THAP4: variants seen among roughly 807,000 people sequenced by gnomAD.
The protein encoded by THAP4 is THAP domain containing 4.
Under a neutral mutation model 48.1 loss-of-function variants are expected in THAP4, and 18 were observed. The observed-to-expected ratio is 0.37, with a 90% CI of 0.26 to 0.56. The LOEUF is 0.56. Among genes scored for constraint, THAP4 ranks in the 20% least tolerant of loss-of-function variants. The pLI is 0.78. For missense variants in THAP4, 656 were observed against 774.9 expected (o/e 0.85, Z 1.82); for synonymous variants, 345 against 324.9 (o/e 1.06, Z -0.66).
chr2:241,586,852 G>T (rs1215713556), intron 5 of THAP4, among the ~76,000 whole-genome samples: 1 of 152,180 alleles, frequency 6.6e-6, no homozygotes, highest in East Asian at 1.9e-4. Context: ...GGGACACATT[G>T]AAAATTGCAA....
chr2:241,615,900 C>T (rs1274892988), intron 2 of THAP4, among the ~76,000 whole-genome samples: 2 of 152,222 alleles, frequency 1.3e-5, no homozygotes, highest in Non-Finnish European at 2.9e-5. Context: ...GAGTAGGTTT[C>T]GCGTTCCTCA....
At chr2:241,618,631 T>G (rs2067375800) in intron 2 of THAP4, among the ~76,000 whole-genome samples, 1 of 152,190 alleles carries the variant, frequency 6.6e-6, no homozygotes, top group African/African-American at 2.4e-5. Flanking sequence ...ATGTCTCTCC[T>G]GCCACAGAGA....
At chr2:241,622,734 G>C (rs2067446915) in intron 2 of THAP4, among the ~76,000 whole-genome samples, 1 of 151,954 alleles carries the variant, frequency 6.6e-6, no homozygotes, top group African/African-American at 2.4e-5. Context: ...TGTGAAGCTG[G>C]GACTACAGGT....
At chr2:241,635,406 C>T (rs2067622925) in intron 1 of THAP4, among the ~76,000 whole-genome samples, 1 of 152,208 alleles carries the variant, frequency 6.6e-6, no homozygotes, top group Non-Finnish European at 1.5e-5. Context: ...TTCTTTATTA[C>T]CTAATAAAGA....
chr2:241,600,609 T>C (rs1042384911), intron 5 of THAP4, among the ~76,000 whole-genome samples: 3 of 150,660 alleles, frequency 2.0e-5, no homozygotes, highest in African/African-American at 7.3e-5. Context: ...GCACCTGTAG[T>C]CCCAGCTACT....
At chr2:241,628,449 C>G (rs2067519391) in intron 2 of THAP4, among the ~76,000 whole-genome samples, 1 of 152,076 alleles carries the variant, frequency 6.6e-6, no homozygotes, top group Admixed American at 6.5e-5. Flanking sequence ...TCTCCTGCTC[C>G]TCCCCAAAAG....
intron 4 of THAP4, among the ~76,000 whole-genome samples, chr2:241,602,660 C>T (rs1038026086): frequency 2.0e-5 from 3 of 152,164 alleles, no homozygotes; most frequent in Admixed American, 2.0e-4. Context: ...GCCACTGTGC[C>T]CAACCTGTTT....
chr2:241,585,436 T>C (rs2125063657), intron 5 of THAP4, among the ~76,000 whole-genome samples: 1 of 151,708 alleles, frequency 6.6e-6, no homozygotes, highest in South Asian at 2.1e-4. Context: ...TGAAACGGAG[T>C]TCTGCTTATG....
At chr2:241,632,031 C>T (rs1198227485) in intron 2 of THAP4, among the ~76,000 whole-genome samples, 1 of 152,036 alleles carries the variant, frequency 6.6e-6, no homozygotes, top group African/African-American at 2.4e-5. Context: ...CCTCAGCCTC[C>T]TGAGTAGCTG....
chr2:241,605,477 T>C (rs2067170209), intron 3 of THAP4, among the ~76,000 whole-genome samples: 1 of 152,186 alleles, frequency 6.6e-6, no homozygotes, highest in South Asian at 2.1e-4. Context: ...CCATCCCTGG[T>C]GGCTCTCCTC....
At chr2:241,618,238 A>T (rs1026640188) in intron 2 of THAP4, among the ~76,000 whole-genome samples, 1 of 152,242 alleles carries the variant, frequency 6.6e-6, no homozygotes, top group African/African-American at 2.4e-5. Flanking sequence ...AAACGGAAGG[A>T]GTTGCATGCC....
In THAP4 at chr2:241,595,314, C is replaced by T. The variant is rs149820022; in HGVS notation, c.1614+6582G>A. 5.3e-3 allele frequency among the ~76,000 whole-genome samples: 802 copies of T among 152,254 alleles called. 4 individuals carry two copies. Among genetic ancestry groups the T allele is most frequent in the Non-Finnish European group, 8.3e-3 (566 of 68,012 alleles). On this transcript the variant is annotated intron_variant, in intron 5 of 5. Transcript: ENST00000407315. The stretch of plus-strand genomic sequence containing the variant: ...ACAGGCGTGAGCCACCGCACTCAGC[C>T]CTGCATTATATCTTTAAAGAGCTGT...
In THAP4 at chr2:241,633,896, CAG is replaced by C. The variant is rs2067604640; in HGVS notation, c.259_260del (p.Leu87AspfsTer65). 1 of 1,613,832 alleles carries C rather than the reference CAG, an allele frequency of 6.2e-7. No homozygotes were observed. The highest frequency in any genetic ancestry group is 1.3e-5 in the African/African-American group (1 of 74,898). On this transcript the variant is annotated frameshift_variant, in exon 2 of 6. Coordinates refer to ENST00000407315, the MANE Select transcript of THAP4 (RefSeq NM_015963.6). LOFTEE classifies it high-confidence loss of function. The surrounding 1 kb of genome is among the most constrained non-coding windows in gnomAD (Gnocchi z 7.5). Reference sequence around the variant, plus strand: ...CTCCAGCCCCCCTCTTCTTCTCGGTCAGGTGGAAGATGGATGGCACGGCCGTG... The same window carrying C: ...CTCCAGCCCCCCTCTTCTTCTCGGTCGTGGAAGATGGATGGCACGGCCGTG... ...KPTAVPSIFH[L>X]TEKKRGAGGH...
In THAP4 at chr2:241,616,992, G is replaced by A. The variant is rs112481668; in HGVS notation, c.1241-10519C>T. 1.1e-4 allele frequency among the ~76,000 whole-genome samples: 16 copies of A among 152,172 alleles called. No individual in the cohort carries two copies. Among genetic ancestry groups the A allele is most frequent in the Non-Finnish European group, 2.1e-4 (14 of 68,036 alleles). ...CCTGCACCCTCCACCACTTCGGGCCGCGTGGAACGTGGCAGCAGCCTAGCC... is the reference window on the plus strand; with the variant it reads ...CCTGCACCCTCCACCACTTCGGGCCACGTGGAACGTGGCAGCAGCCTAGCC... On this transcript the variant is annotated intron_variant, in intron 2 of 5. Coordinates refer to ENST00000407315, the MANE Select transcript of THAP4 (RefSeq NM_015963.6). The surrounding 1 kb of genome is among the most constrained non-coding windows in gnomAD (Gnocchi z 4.6).
chr2:241,603,126 A>T, intron 3 of THAP4, 47 bp from the exon 4 acceptor site: 1 of 1,507,952 alleles, frequency 6.6e-7, no homozygotes. Flanking sequence ...GGCCTCCAAG[A>T]TGGCGTGGGC....
chr2:241,631,639 A>T (rs1194983513), intron 2 of THAP4, among the ~76,000 whole-genome samples: 1 of 151,756 alleles, frequency 6.6e-6, no homozygotes, highest in Non-Finnish European at 1.5e-5. Flanking sequence ...CTAATTTTTA[A>T]ATTATTTATA....
chr2:241,616,548 C>T lies in THAP4; in HGVS notation c.1241-10075G>A, dbSNP rs1290790618. ...GGTCAGGGAAGCAAGTCCCGCGGGCCCTGGAGAGAAGCTACCCTGCAGGCG... is the reference window on the plus strand; with the variant it reads ...GGTCAGGGAAGCAAGTCCCGCGGGCTCTGGAGAGAAGCTACCCTGCAGGCG... On this transcript the variant is annotated intron_variant, in intron 2 of 5. Coordinates refer to ENST00000407315, the MANE Select transcript of THAP4 (RefSeq NM_015963.6). The surrounding 1 kb of genome is among the most constrained non-coding windows in gnomAD (Gnocchi z 4.6). Among the ~76,000 whole-genome samples the T allele has an allele frequency of 6.6e-6, 1 of 152,134 alleles. No individual in the cohort carries two copies. The highest frequency in any genetic ancestry group is 1.5e-5 in the Non-Finnish European group (1 of 68,040).
At chr2:241,624,770 T>C (rs1012177534) in intron 2 of THAP4, among the ~76,000 whole-genome samples, 2 of 152,248 alleles carry the variant, frequency 1.3e-5, no homozygotes, top group African/African-American at 4.8e-5. Flanking sequence ...TGTTTATGGC[T>C]TGGTCTTTCT....
At chr2:241,589,011 A>G (rs1258466045) in intron 5 of THAP4, among the ~76,000 whole-genome samples, 2 of 152,178 alleles carry the variant, frequency 1.3e-5, no homozygotes, top group Non-Finnish European at 2.9e-5. Context: ...CGTCAGGTCG[A>G]GACCGGCCTG....
Sources: gnomAD v4.1 joint callset for allele counts (sites outside exome capture counted in the v4.1 genomes callset) on GRCh38, gnomAD v4.1.1 for gene constraint, Gnocchi (gnomAD v3.1) non-coding constraint, MANE v1.5 for transcripts, NCBI Gene and HGNC (gene_info 2026-07-23, HGNC 2026-07-21) for gene names.